MYO9A: variants seen among roughly 807,000 people sequenced by gnomAD.
MYO9A encodes the protein unconventional myosin-IXa.
A neutral mutation model predicts 293.3 loss-of-function variants in MYO9A; 103 were observed. The ratio of observed to expected loss-of-function variants is 0.35; its 90% CI spans 0.30 to 0.41. MYO9A has a LOEUF of 0.41. Ranked by LOEUF, MYO9A falls within the 10% of genes least tolerant of loss-of-function variation. The pLI is 1.00. For synonymous variants in MYO9A, 1,001 were observed against 1,035.7 expected, an observed-to-expected ratio of 0.97 and a Z score of 0.64; for missense variants, 2,685 against 3,033.0, an observed-to-expected ratio of 0.89 and a Z score of 2.69.
At chr15:71,914,378 T>C (rs2144665394) in intron 19 of MYO9A, among the ~76,000 whole-genome samples, 1 of 152,316 alleles carries the variant, frequency 6.6e-6, no homozygotes, top group African/African-American at 2.4e-5. Context: ...CTATACCAAT[T>C]AATCCTTTGT....
At chr15:71,874,863 A>T (rs932613054) in intron 32 of MYO9A, among the ~76,000 whole-genome samples, 6 of 152,172 alleles carry the variant, frequency 3.9e-5, no homozygotes, top group African/African-American at 1.4e-4. Flanking sequence ...GTTTTTCCCA[A>T]TGGCTAGATA....
chr15:72,007,796 G>C, intron 8 of MYO9A, 30 bp downstream of exon 8: 1 of 1,594,926 alleles, frequency 6.3e-7, no homozygotes, highest in East Asian at 2.2e-5. Context: ...ACAAAGATTT[G>C]AAATGACAAC....
At chr15:71,956,326 A>ATATATAT (rs1371050523) in intron 14 of MYO9A, among the ~76,000 whole-genome samples, 68 of 9,880 alleles carry the variant, frequency 6.9e-3, no homozygotes, top group East Asian at 0.019. Context: ...AAAAAAAAAA[A>ATATATAT]AAAAATATAT....
chr15:72,008,028 A>G, intron 7 of MYO9A, 76 bp from the exon 8 acceptor site: 2 of 1,509,610 alleles, frequency 1.3e-6, no homozygotes, highest in Non-Finnish European at 1.8e-6. Flanking sequence ...ATTCTAGTTA[A>G]GCAAATTAAC....
intron 1 of MYO9A, among the ~76,000 whole-genome samples, chr15:72,071,444 A>G (rs2150175987): frequency 6.6e-6 from 1 of 152,340 alleles, no homozygotes; most frequent in Non-Finnish European, 1.5e-5. Context: ...CACATTTGGT[A>G]GAAATATAAA....
intron 1 of MYO9A, among the ~76,000 whole-genome samples, chr15:72,110,895 C>G (rs1480017532): frequency 6.6e-6 from 1 of 151,746 alleles, no homozygotes; most frequent in Non-Finnish European, 1.5e-5. Context: ...CATGGTGGCT[C>G]ACGCCTGTAA....
intron 9 of MYO9A, among the ~76,000 whole-genome samples, chr15:71,996,064 T>A (rs1013217505): frequency 1.3e-5 from 2 of 152,192 alleles, no homozygotes; most frequent in Non-Finnish European, 2.9e-5. Flanking sequence ...AATCCTTGGA[T>A]GTGGAATCTG....
chr15:71,935,571 A>G, intron 16 of MYO9A, 87 bp from the exon 17 acceptor site: 1 of 1,304,944 alleles, frequency 7.7e-7, no homozygotes, highest in Non-Finnish European at 1.0e-6. Flanking sequence ...TTAAATACTA[A>G]AGTTAAAATT....
At chr15:71,893,208 C>A (rs903360082) in intron 26 of MYO9A, 1 of 1,236,656 alleles carries the variant, frequency 8.1e-7, no homozygotes, top group Non-Finnish European at 1.0e-6. Flanking sequence ...ACAAATAACA[C>A]AACAATGTTT....
intron 1 of MYO9A, among the ~76,000 whole-genome samples, chr15:72,066,658 G>T (rs2079032136): frequency 6.6e-6 from 1 of 152,064 alleles, no homozygotes; most frequent in Non-Finnish European, 1.5e-5. Flanking sequence ...CAAAAGGAAG[G>T]CCTTACAAAG....
chr15:72,070,411 C>T (rs2079154580), intron 1 of MYO9A, among the ~76,000 whole-genome samples: 1 of 151,480 alleles, frequency 6.6e-6, no homozygotes, highest in African/African-American at 2.4e-5. Flanking sequence ...AGAGATTGTG[C>T]CACTGTACTC....
chr15:71,956,334 T>A (rs201610026), intron 14 of MYO9A, among the ~76,000 whole-genome samples: 3,285 of 93,934 alleles, frequency 0.035, 103 homozygotes, highest in East Asian at 0.13. Context: ...AAAAAAAATA[T>A]ATATATATAT....
At chr15:72,070,482 G>A (rs921016108) in intron 1 of MYO9A, among the ~76,000 whole-genome samples, 3 of 151,544 alleles carry the variant, frequency 2.0e-5, no homozygotes, top group Non-Finnish European at 2.9e-5. Flanking sequence ...TGAGGGGCAG[G>A]CCTCAATCTA....
At chr15:72,054,955 A>C (rs1213465322) in intron 1 of MYO9A, among the ~76,000 whole-genome samples, 1 of 152,100 alleles carries the variant, frequency 6.6e-6, no homozygotes, top group Non-Finnish European at 1.5e-5. Context: ...TGGGCAGAGA[A>C]ACAGAATTTG....
At chr15:72,053,553 G>C (rs549666509) in intron 1 of MYO9A, among the ~76,000 whole-genome samples, 4 of 152,092 alleles carry the variant, frequency 2.6e-5, no homozygotes, top group African/African-American at 7.2e-5. Flanking sequence ...GCAAACTAAC[G>C]CAAGAACAGA....
At chr15:71,848,791 T>A in intron 39 of MYO9A, 54 bp downstream of exon 39, 1 of 1,554,956 alleles carries the variant, frequency 6.4e-7, no homozygotes, top group South Asian at 1.3e-5. Flanking sequence ...AAAAGCACAT[T>A]TAAATTCCCA....
chr15:71,999,295 G>A (rs527236422), intron 9 of MYO9A, among the ~76,000 whole-genome samples: 6 of 151,858 alleles, frequency 4.0e-5, no homozygotes, highest in African/African-American at 1.2e-4. Flanking sequence ...TATAATAGTA[G>A]CAACAAGTAT....
At chr15:72,099,432 A>G (rs1228211239) in intron 1 of MYO9A, among the ~76,000 whole-genome samples, 2 of 145,998 alleles carry the variant, frequency 1.4e-5, no homozygotes, top group African/African-American at 2.5e-5. Flanking sequence ...CAAAAAAAAA[A>G]AAAAAAAAAA....
intron 18 of MYO9A, among the ~76,000 whole-genome samples, chr15:71,916,694 C>G (rs1474305005): frequency 1.3e-5 from 2 of 152,176 alleles, no homozygotes; most frequent in Non-Finnish European, 1.5e-5. Context: ...GAAAAGTACA[C>G]TTCACAAACT....
Sources: allele counts gnomAD v4.1 joint callset (sites outside exome capture counted in the v4.1 genomes callset), GRCh38; gene constraint gnomAD v4.1.1; transcripts MANE v1.5; gene names NCBI Gene and HGNC (gene_info 2026-07-23, HGNC 2026-07-21).